GSG1L: variants seen among roughly 807,000 people sequenced by gnomAD.
GSG1L encodes the protein germ cell-specific gene 1-like protein.
In GSG1L, 24 loss-of-function variants were observed where a neutral mutation model predicts 42.1. The observed-to-expected ratio is 0.57, with a 90% CI of 0.41 to 0.80. The LOEUF (loss-of-function observed/expected upper bound fraction) is 0.80. Ranked by LOEUF, GSG1L falls within the 30% of genes least tolerant of loss-of-function variation. GSG1L has a pLI of 0.00. For missense variants in GSG1L, 445 were observed against 472.2 expected (o/e 0.94, Z 0.53); for synonymous variants, 215 against 203.5 (o/e 1.06, Z -0.48).
chr16:27,837,381 A>C (rs944591431), intron 4 of GSG1L, among the ~76,000 whole-genome samples: 8 of 151,970 alleles, frequency 5.3e-5, no homozygotes, highest in African/African-American at 1.9e-4. Context: ...AAGCCTAACC[A>C]TATCAGCCAC....
chr16:28,028,556 C>A (rs2085924955), intron 1 of GSG1L, among the ~76,000 whole-genome samples: 1 of 152,046 alleles, frequency 6.6e-6, no homozygotes, highest in African/African-American at 2.4e-5. Flanking sequence ...GCATGGCCAA[C>A]AGTTTAAATC....
rs1294604479 is a variant in GSG1L at position 28,053,008 on chromosome 16, G to A, written c.349+10068C>T. Among the ~76,000 whole-genome samples the A allele has an allele frequency of 2.0e-5, 3 of 152,242 alleles. No homozygotes were observed. In the East Asian group the frequency reaches 5.8e-4, roughly 29 times the overall value. ...GCCAAGTGGAGCTGCCTGGGACAAG[G>A]CTGGCAGAGGGGGGCAGAGAGTGTG... On this transcript the variant is annotated intron_variant, in intron 1 of 6. Transcript: ENST00000447459.
At chr16:27,858,967 A>C (rs13335959) in intron 3 of GSG1L, among the ~76,000 whole-genome samples, 37,554 of 152,066 alleles carry the variant, frequency 0.25, 4,815 homozygotes, top group Non-Finnish European at 0.28. Flanking sequence ...AAGGTTCTGG[A>C]GGGAGAGAGC....
At chr16:27,880,566 C>T (rs2141020218) in intron 3 of GSG1L, among the ~76,000 whole-genome samples, 1 of 152,276 alleles carries the variant, frequency 6.6e-6, no homozygotes. Flanking sequence ...TGTTTATCTG[C>T]CTGGAATTAT....
chr16:27,892,467 A>C (rs942208631), intron 2 of GSG1L, among the ~76,000 whole-genome samples: 3 of 152,020 alleles, frequency 2.0e-5, no homozygotes, highest in Non-Finnish European at 4.4e-5. Flanking sequence ...AAAAATAAAA[A>C]AAATGAGTCA....
chr16:27,947,521 A>AAG (rs1388552588), intron 2 of GSG1L, among the ~76,000 whole-genome samples: 1 of 145,434 alleles, frequency 6.9e-6, no homozygotes, highest in Non-Finnish European at 1.5e-5. Flanking sequence ...GAAAGAAAGA[A>AAG]AAAGAAAGAA....
At chr16:27,857,461 GC>G (rs1320758281) in intron 3 of GSG1L, among the ~76,000 whole-genome samples, 1 of 151,690 alleles carries the variant, frequency 6.6e-6, no homozygotes, top group Non-Finnish European at 1.5e-5. Context: ...GGCGTGGGGG[GC>G]CAGGTGCGAT....
intron 2 of GSG1L, among the ~76,000 whole-genome samples, chr16:27,886,906 C>G (rs1186229766): frequency 6.6e-6 from 1 of 152,118 alleles, no homozygotes; most frequent in Non-Finnish European, 1.5e-5. Flanking sequence ...GCAGGAACTA[C>G]TGGGAAAGAG....
Position 27,791,332 on chromosome 16 carries a change from C to T in GSG1L, c.*38G>A, listed in dbSNP as rs776322073. 3.1e-6 allele frequency: 4 copies of T among 1,279,146 alleles called. No homozygotes were observed. Among genetic ancestry groups the T allele is most frequent in the Non-Finnish European group, 4.1e-6 (4 of 973,150 alleles). 79.2% of individuals were successfully genotyped at this position (1,279,146 alleles called of 1,614,324 possible). ...GTCTTGCAGCAGGGGCTGGTGCCAG[C>T]GATGGCCTGAGGTCCGCGGGCCAGG... On this transcript the variant is annotated 3_prime_UTR_variant, in exon 7 of 7. Coordinates refer to ENST00000447459, the MANE Select transcript of GSG1L (RefSeq NM_001109763.2).
At chr16:28,061,140 T>C (rs1429575729) in intron 1 of GSG1L, among the ~76,000 whole-genome samples, 3 of 152,172 alleles carry the variant, frequency 2.0e-5, no homozygotes, top group Non-Finnish European at 4.4e-5. Context: ...CTGGGTCTCC[T>C]GAGCCTTGGA....
chr16:27,920,083 T>C (rs1325761807), intron 2 of GSG1L, among the ~76,000 whole-genome samples: 5 of 152,242 alleles, frequency 3.3e-5, no homozygotes, highest in South Asian at 2.1e-4. Flanking sequence ...CATGAACCCA[T>C]TGTACATTAA....
intron 2 of GSG1L, among the ~76,000 whole-genome samples, chr16:27,953,393 C>T (rs1191997781): frequency 6.6e-6 from 1 of 152,248 alleles, no homozygotes; most frequent in East Asian, 1.9e-4. Context: ...CCTGGCTGTA[C>T]ATTGTTCATT....
chr16:27,888,398 CTCCTTCTT>C lies in GSG1L; in HGVS notation c.398-3768_398-3761del, dbSNP rs1409491486. Among the ~76,000 whole-genome samples the C allele has an allele frequency of 6.0e-4, 85 of 141,158 alleles. 8 individuals are homozygous for C. The highest frequency in any genetic ancestry group is 2.8e-3 in the East Asian group (13 of 4,652). The allele number at this position is 141,158 out of a possible 152,430, so 92.6% of individuals were successfully genotyped here. ...TGTGGTTCTTTCTTTCTTTTCTTTT[CTCCTTCTT>C]TCTTTCTTTCTTTCTTTCTTTCTTT... On this transcript the variant is annotated intron_variant, in intron 2 of 6. Transcript: ENST00000447459.
At chr16:27,979,090 C>T (rs2085284216) in intron 1 of GSG1L, among the ~76,000 whole-genome samples, 1 of 152,050 alleles carries the variant, frequency 6.6e-6, no homozygotes, top group Non-Finnish European at 1.5e-5. Context: ...GTGGCTTCAC[C>T]TCTCTAAGCC....
At chr16:27,974,384 G>C (rs1189622458) in intron 1 of GSG1L, among the ~76,000 whole-genome samples, 1 of 152,200 alleles carries the variant, frequency 6.6e-6, no homozygotes, top group African/African-American at 2.4e-5. Flanking sequence ...GCTGTGGGGA[G>C]AGGAAGGGTA....
intron 6 of GSG1L, among the ~76,000 whole-genome samples, chr16:27,792,477 T>A (rs1486197091): frequency 6.6e-6 from 1 of 152,186 alleles, no homozygotes; most frequent in East Asian, 1.9e-4. Context: ...ACCCCTCAAG[T>A]GTCTCTTCAA....
At chr16:27,943,180 A>G (rs1233681711) in intron 2 of GSG1L, among the ~76,000 whole-genome samples, 1 of 152,066 alleles carries the variant, frequency 6.6e-6, no homozygotes, top group Non-Finnish European at 1.5e-5. Context: ...TTGGCCTCCC[A>G]AAGTGCTGGG....
chr16:27,836,217 C>T (rs1186527837), intron 4 of GSG1L, among the ~76,000 whole-genome samples: 2 of 151,954 alleles, frequency 1.3e-5, no homozygotes, highest in African/African-American at 4.8e-5. Context: ...ATGCAAAATC[C>T]ACTGTTGCTT....
chr16:27,911,400 C>T (rs534212961), intron 2 of GSG1L, among the ~76,000 whole-genome samples: 1 of 152,278 alleles, frequency 6.6e-6, no homozygotes, highest in African/African-American at 2.4e-5. Flanking sequence ...AAGCTATTCT[C>T]ATGCCTCAGC....
Sources: gnomAD v4.1 joint callset for allele counts (sites outside exome capture counted in the v4.1 genomes callset) on GRCh38, gnomAD v4.1.1 for gene constraint, MANE v1.5 for transcripts, NCBI Gene and HGNC (gene_info 2026-07-23, HGNC 2026-07-21) for gene names.